Variants in DHX32 observed in about 807,000 individuals in gnomAD.
DHX32 encodes the protein putative pre-mRNA-splicing factor ATP-dependent RNA helicase DHX32.
In DHX32, 51 loss-of-function variants were observed where a neutral mutation model predicts 70.0. The ratio of observed to expected loss-of-function variants is 0.73; its 90% CI spans 0.58 to 0.92. DHX32 has a LOEUF of 0.92. Ranked by LOEUF, DHX32 falls within the 40% of genes least tolerant of loss-of-function variation. DHX32 has a pLI of 0.00. For synonymous variants in DHX32, 310 were observed against 315.3 expected (o/e 0.98, Z 0.18); for missense variants, 762 against 891.8 (o/e 0.85, Z 1.85).
At chr10:125,856,561 G>A (rs1944149086) in intron 3 of DHX32, among the ~76,000 whole-genome samples, 1 of 152,212 alleles carries the variant, frequency 6.6e-6, no homozygotes, top group African/African-American at 2.4e-5. Context: ...CAAGTGGCTG[G>A]AGAAAATGTG....
At chr10:125,856,008 G>T (rs1460124689) in intron 3 of DHX32, among the ~76,000 whole-genome samples, 1 of 152,182 alleles carries the variant, frequency 6.6e-6, no homozygotes, top group Non-Finnish European at 1.5e-5. Context: ...GAGCAAAACA[G>T]AAATAGATAA....
intron 6 of DHX32, chr10:125,842,385 AG>A (rs1318662197): frequency 6.5e-6 from 1 of 154,072 alleles, no homozygotes; most frequent in East Asian, 1.9e-4. Flanking sequence ...CTCAGGCCAG[AG>A]AAAGAGCCAT....
intron 6 of DHX32, among the ~76,000 whole-genome samples, chr10:125,843,837 G>A (rs992330128): frequency 6.6e-6 from 1 of 152,228 alleles, no homozygotes; most frequent in Non-Finnish European, 1.5e-5. Flanking sequence ...GCTACTAGGA[G>A]TGAGGGGGCA....
intron 2 of DHX32, among the ~76,000 whole-genome samples, chr10:125,860,816 C>T (rs1232907679): frequency 7.7e-6 from 1 of 129,558 alleles, no homozygotes; most frequent in East Asian, 2.3e-4. Flanking sequence ...AGTGCAGTGG[C>T]GCAATCTCGG....
chr10:125,861,390 G>A (rs183152365), intron 2 of DHX32, among the ~76,000 whole-genome samples: 2 of 152,180 alleles, frequency 1.3e-5, no homozygotes, highest in African/African-American at 4.8e-5. Flanking sequence ...CCAGCTACCC[G>A]GGAGGCTGAG....
In DHX32 at chr10:125,852,577, C is replaced by A. The variant is rs1944105077; in HGVS notation, c.1158G>T (p.Glu386Asp). The change falls in exon 5 of 11, where the codon GAG becomes GAT. Residue 386 changes from glutamate (E) to aspartate (D), a missense_variant. Physicochemically the swap from Glu to Asp is conservative, Grantham distance 45. Around this residue, in one of 3 missense-constraint regions of DHX32, gnomAD observed 394 missense variants for 473.1 expected, o/e 0.83. Transcript: ENST00000284690. ...ATGAGCCAAGAATCTGCTTGCGTAT[C>A]TCTGCCTGGCTCTGGCTGATGGGCT... ...VMQPISQSQA[E>D]IRKQILGSSS... The A allele has an allele frequency of 6.2e-7, 1 of 1,613,826 alleles. No individual in the cohort carries two copies. The highest frequency in any genetic ancestry group is 1.7e-4 in the Middle Eastern group (1 of 6,060).
intron 10 of DHX32, among the ~76,000 whole-genome samples, chr10:125,837,666 C>G (rs1015352633): frequency 1.3e-5 from 2 of 152,198 alleles, no homozygotes. Flanking sequence ...CTCAAGCCAT[C>G]TTCCTCCTGC....
intron 6 of DHX32, among the ~76,000 whole-genome samples, chr10:125,845,664 A>G (rs1944007803): frequency 6.6e-6 from 1 of 152,242 alleles, no homozygotes; most frequent in South Asian, 2.1e-4. Context: ...AGAGTTGGAA[A>G]GGATGTTAGA....
chr10:125,850,554 C>T (rs778390752), intron 6 of DHX32, among the ~76,000 whole-genome samples: 1 of 151,830 alleles, frequency 6.6e-6, no homozygotes, highest in Non-Finnish European at 1.5e-5. Flanking sequence ...GAGATTTCAC[C>T]ACGTTGGTCA....
intron 8 of DHX32, among the ~76,000 whole-genome samples, chr10:125,839,880 C>T (rs369194818): frequency 5.5e-4 from 84 of 152,278 alleles, no homozygotes; most frequent in African/African-American, 1.9e-3. Flanking sequence ...TCATGCTGCT[C>T]GGAGCAACCA....
At chr10:125,843,427 G>A (rs1253055977) in intron 6 of DHX32, among the ~76,000 whole-genome samples, 2 of 152,058 alleles carry the variant, frequency 1.3e-5, no homozygotes, top group African/African-American at 4.8e-5. Flanking sequence ...TGGCTAACAC[G>A]GTGAAACCCC....
At chr10:125,890,166 T>A (rs1944362053) in intron 1 of DHX32, among the ~76,000 whole-genome samples, 1 of 152,298 alleles carries the variant, frequency 6.6e-6, no homozygotes, top group African/African-American at 2.4e-5. Context: ...AGAAATACCA[T>A]AAAACTGAAA....
chr10:125,852,534 C>T lies in DHX32; in HGVS notation c.1192+9G>A. On this transcript the variant is annotated intron_variant, in intron 5 of 10. Coordinates refer to ENST00000284690, the MANE Select transcript of DHX32 (RefSeq NM_018180.3). ...TGACAACATTTAGTATTTGTGTCCA[C>T]AGCACTACCTGAAGAAGATGAGCCA... is the stretch of plus-strand genomic sequence containing the variant. 1 of 1,613,180 alleles carries T rather than the reference C, an allele frequency of 6.2e-7. No individual in the cohort carries two copies. Among genetic ancestry groups the T allele is most frequent in the African/African-American group, 1.3e-5 (1 of 74,984 alleles).
chr10:125,881,687 C>T (rs1300285109), upstream of DHX32, among the ~76,000 whole-genome samples: 1 of 152,052 alleles, frequency 6.6e-6, no homozygotes, highest in East Asian at 1.9e-4. Context: ...GCTCTGTCAC[C>T]CAGGCTGGAT....
intron 3 of DHX32, among the ~76,000 whole-genome samples, chr10:125,856,896 A>G (rs756185886): frequency 4.6e-5 from 7 of 152,204 alleles, no homozygotes; most frequent in Non-Finnish European, 4.4e-5. Flanking sequence ...TCGAGGTCAC[A>G]CTGAGCCAAG....
chr10:125,859,057 T>TG (rs1564827854), intron 3 of DHX32, among the ~76,000 whole-genome samples: 3 of 151,548 alleles, frequency 2.0e-5, no homozygotes, highest in Non-Finnish European at 4.4e-5. Flanking sequence ...TTTTTTTTTT[T>TG]TTTTTTAATC....
chr10:125,837,000 A>T, intron 10 of DHX32, 145 bp from the exon 11 acceptor site: 1 of 685,300 alleles, frequency 1.5e-6, no homozygotes, highest in Non-Finnish European at 2.4e-6. Context: ...TCTCAGTCCG[A>T]CTTTGTAAAA....
At chr10:125,891,274 A>G (rs1165251301) in intron 1 of DHX32, among the ~76,000 whole-genome samples, 2 of 152,276 alleles carry the variant, frequency 1.3e-5, no homozygotes, top group Non-Finnish European at 2.9e-5. Context: ...TTTAAAGAAC[A>G]GGTTACTGCT....
intron 1 of DHX32, among the ~76,000 whole-genome samples, chr10:125,895,950 CG>C (rs1944493609): frequency 3.5e-5 from 5 of 142,700 alleles, no homozygotes; most frequent in African/African-American, 1.0e-4. Context: ...GCCCCAGGCC[CG>C]GCCCATGCCC....
Sources: allele counts gnomAD v4.1 joint callset (sites outside exome capture counted in the v4.1 genomes callset), GRCh38; gene constraint gnomAD v4.1.1; regional missense constraint gnomAD v4.1.1; transcripts MANE v1.5; gene names NCBI Gene and HGNC (gene_info 2026-07-23, HGNC 2026-07-21).